The following NPAS3 variants were observed in gnomAD, a reference collection of about 807,000 sequenced individuals.
NPAS3 encodes the protein neuronal PAS domain-containing protein 3.
Under a neutral mutation model 73.1 loss-of-function variants are expected in NPAS3, and 14 were observed. That is an observed-to-expected ratio of 0.19 (90% CI 0.13 to 0.30). The LOEUF (loss-of-function observed/expected upper bound fraction) is 0.30. NPAS3 is among the 10% of genes least tolerant of loss of function. The pLI is 1.00. For missense variants in NPAS3, 1,096 were observed against 1,250.0 expected, an observed-to-expected ratio of 0.88 and a Z score of 1.86; for synonymous variants, 620 against 541.5, an observed-to-expected ratio of 1.14 and a Z score of -2.01.
intron 3 of NPAS3, among the ~76,000 whole-genome samples, chr14:33,253,106 A>G (rs374376264): frequency 2.6e-5 from 4 of 152,108 alleles, no homozygotes; most frequent in Non-Finnish European, 4.4e-5. Flanking sequence ...TCTTTCTTAT[A>G]TAATGATGTA....
intron 4 of NPAS3, among the ~76,000 whole-genome samples, chr14:33,483,488 C>A (rs2051431022): frequency 1.3e-5 from 2 of 152,112 alleles, no homozygotes; most frequent in African/African-American, 2.4e-5. Context: ...TGTAGAGAAA[C>A]CAGTGAAATA....
intron 1 of NPAS3, among the ~76,000 whole-genome samples, chr14:32,985,284 G>A (rs138051832): frequency 1.2e-4 from 19 of 152,226 alleles, no homozygotes; most frequent in African/African-American, 3.6e-4. Context: ...GGTAGGGCTC[G>A]TGTGTGTTGA....
intron 4 of NPAS3, among the ~76,000 whole-genome samples, chr14:33,528,365 A>G (rs1470935092): frequency 1.3e-5 from 2 of 151,766 alleles, no homozygotes; most frequent in African/African-American, 2.4e-5. Flanking sequence ...GACAAAAGGA[A>G]GAAGAAGACA....
intron 1 of NPAS3, among the ~76,000 whole-genome samples, chr14:32,947,875 T>C (rs891417725): frequency 1.3e-5 from 2 of 152,112 alleles, no homozygotes; most frequent in Non-Finnish European, 2.9e-5. Flanking sequence ...ATAAATTTGC[T>C]TGGATTATCT....
chr14:32,976,213 C>A (rs1017344560), intron 1 of NPAS3, among the ~76,000 whole-genome samples: 1 of 152,058 alleles, frequency 6.6e-6, no homozygotes, highest in African/African-American at 2.4e-5. Flanking sequence ...ACTCCTGCAG[C>A]CAGTGAGCGA....
intron 5 of NPAS3, among the ~76,000 whole-genome samples, chr14:33,631,693 G>A (rs1445048145): frequency 6.6e-6 from 1 of 152,164 alleles, no homozygotes; most frequent in East Asian, 1.9e-4. Context: ...TAGGAATTCT[G>A]CAGGCAGCAT....
At chr14:33,351,525 G>T (rs2140348725) in intron 3 of NPAS3, among the ~76,000 whole-genome samples, 1 of 152,336 alleles carries the variant, frequency 6.6e-6, no homozygotes, top group Non-Finnish European at 1.5e-5. Context: ...GTCTTTGGAA[G>T]TTGAAAATAT....
chr14:33,589,077 T>C (rs1292869708), intron 5 of NPAS3, among the ~76,000 whole-genome samples: 1 of 152,208 alleles, frequency 6.6e-6, no homozygotes, highest in Non-Finnish European at 1.5e-5. Flanking sequence ...TCTACGTTTG[T>C]CCTCATCCCC....
chr14:33,592,783 A>G (rs1276647818), intron 5 of NPAS3, among the ~76,000 whole-genome samples: 2 of 152,196 alleles, frequency 1.3e-5, no homozygotes, highest in Admixed American at 1.3e-4. Flanking sequence ...GTAAGAGAAT[A>G]AAACAGAGAT....
At chr14:33,520,153 G>A (rs761456918) in intron 4 of NPAS3, among the ~76,000 whole-genome samples, 3 of 152,040 alleles carry the variant, frequency 2.0e-5, no homozygotes, top group Admixed American at 6.5e-5. Flanking sequence ...ATATTGGGTC[G>A]GGGTGAAGCT....
intron 4 of NPAS3, among the ~76,000 whole-genome samples, chr14:33,440,888 C>T (rs1398892595): frequency 6.7e-6 from 1 of 149,470 alleles, no homozygotes; most frequent in African/African-American, 2.5e-5. Context: ...AGTTAAACTC[C>T]ATCTCAAAAA....
At position 33,210,767 on chromosome 14, in the gene NPAS3, T is replaced by TA. The variant is rs60878624; in HGVS notation, c.141-4406dup. ...TGTCACCTTTTATCTGTTATTGTAC[T>TA]AAAAAAAAAGGCTCCTTATGATCCT... On this transcript the variant is annotated intron_variant, in intron 2 of 11. Transcript: ENST00000356141. 4.4e-3 allele frequency among the ~76,000 whole-genome samples: 659 copies of TA among 151,066 alleles called. 3 individuals carry two copies. The highest frequency in any genetic ancestry group is 0.013 in the African/African-American group (556 of 41,248).
intron 2 of NPAS3, among the ~76,000 whole-genome samples, chr14:33,197,222 A>C (rs546582585): frequency 8.3e-6 from 1 of 119,854 alleles, no homozygotes; most frequent in East Asian, 2.3e-4. Context: ...CTGCTCTGGG[A>C]TGCACTCCAG....
At position 33,013,142 on chromosome 14, in the gene NPAS3, T is replaced by G. The variant is rs2039271584; in HGVS notation, c.51-42763T>G. 2.6e-5 allele frequency among the ~76,000 whole-genome samples: 4 copies of G among 152,286 alleles called. No homozygotes were observed. In the South Asian group the frequency reaches 6.2e-4, roughly 24 times the overall value. Reference sequence around the variant, plus strand: ...AAAGTATTGTATTCTTCACTCAGTTTCTCCATACCCAAAGAATACATGCAG... The same window carrying G: ...AAAGTATTGTATTCTTCACTCAGTTGCTCCATACCCAAAGAATACATGCAG... On this transcript the variant is annotated intron_variant, in intron 1 of 11. Coordinates refer to ENST00000356141, the Ensembl canonical transcript of NPAS3.
At chr14:32,951,354 A>G (rs889508374) in intron 1 of NPAS3, among the ~76,000 whole-genome samples, 1 of 152,082 alleles carries the variant, frequency 6.6e-6, no homozygotes, top group Non-Finnish European at 1.5e-5. Context: ...TTATAAAATG[A>G]TTAAATAAAT....
chr14:33,770,004 ATCC>A (rs988637600), intron 7 of NPAS3, among the ~76,000 whole-genome samples: 14 of 151,998 alleles, frequency 9.2e-5, no homozygotes, highest in Non-Finnish European at 1.9e-4. Flanking sequence ...GGCTCAAGCA[ATCC>A]TCCTCCCTGA....
chr14:33,165,314 G>C (rs2045086448), intron 2 of NPAS3, among the ~76,000 whole-genome samples: 1 of 151,296 alleles, frequency 6.6e-6, no homozygotes. Context: ...TGTGAGTTTT[G>C]TTTCATTGCA....
chr14:33,580,459 G>A (rs1008162571), intron 5 of NPAS3, among the ~76,000 whole-genome samples: 1 of 152,168 alleles, frequency 6.6e-6, no homozygotes, highest in Non-Finnish European at 1.5e-5. Flanking sequence ...CCAGACGGCA[G>A]GTGTATTTTA....
At chr14:33,752,765 T>C (rs2062000962) in intron 7 of NPAS3, among the ~76,000 whole-genome samples, 1 of 152,184 alleles carries the variant, frequency 6.6e-6, no homozygotes, top group Non-Finnish European at 1.5e-5. Flanking sequence ...GCTTGCCTAT[T>C]AGCAATCACA....
Sources: allele counts gnomAD v4.1 joint callset (sites outside exome capture counted in the v4.1 genomes callset), GRCh38; gene constraint gnomAD v4.1.1; transcripts MANE v1.5; gene names NCBI Gene and HGNC (gene_info 2026-07-23, HGNC 2026-07-21).